Variants in SYT16 observed in about 807,000 individuals in gnomAD.
SYT16 encodes synaptotagmin 16.
Under a neutral mutation model 61.4 loss-of-function variants are expected in SYT16, and 42 were observed. That is an observed-to-expected ratio of 0.68 (90% CI 0.53 to 0.89). The LOEUF is 0.89. Among genes scored for constraint, SYT16 ranks in the 40% least tolerant of loss-of-function variants. SYT16 has a pLI of 0.00. For missense variants in SYT16, 804 were observed against 807.3 expected, an observed-to-expected ratio of 1.00 and a Z score of 0.05; for synonymous variants, 314 against 302.3, an observed-to-expected ratio of 1.04 and a Z score of -0.40.
At chr14:62,024,776 T>C (rs1413660661) in intron 3 of SYT16, among the ~76,000 whole-genome samples, 1 of 152,138 alleles carries the variant, frequency 6.6e-6, no homozygotes, top group Non-Finnish European at 1.5e-5. Context: ...AAATCTTCTG[T>C]GCTCTGCTTA....
At chr14:61,974,578 A>G (rs2051702617) in intron 2 of SYT16, among the ~76,000 whole-genome samples, 2 of 152,222 alleles carry the variant, frequency 1.3e-5, no homozygotes, top group Non-Finnish European at 1.5e-5. Flanking sequence ...CAGCAGGAAC[A>G]GTGCATCATG....
At chr14:61,921,907 C>T (rs1168806896) in intron 1 of SYT16, among the ~76,000 whole-genome samples, 1 of 152,196 alleles carries the variant, frequency 6.6e-6, no homozygotes, top group Non-Finnish European at 1.5e-5. Flanking sequence ...GGTTTCAAGT[C>T]TTAGCTTCAA....
At chr14:62,064,664 C>G (rs200423063) in intron 3 of SYT16, among the ~76,000 whole-genome samples, 1 of 152,092 alleles carries the variant, frequency 6.6e-6, no homozygotes, top group Non-Finnish European at 1.5e-5. Context: ...ACATGGACTT[C>G]GGAGCAAGAC....
At chr14:62,042,940 A>C (rs1198434227) in intron 3 of SYT16, among the ~76,000 whole-genome samples, 1 of 151,946 alleles carries the variant, frequency 6.6e-6, no homozygotes, top group Non-Finnish European at 1.5e-5. Context: ...TTTTTTGTTT[A>C]CTAGAGTTCA....
chr14:61,920,412 C>A (rs968661199), intron 1 of SYT16, among the ~76,000 whole-genome samples: 1 of 152,102 alleles, frequency 6.6e-6, no homozygotes, highest in Non-Finnish European at 1.5e-5. Flanking sequence ...TGTCCTAATG[C>A]TCTCCCTCCC....
intron 1 of SYT16, among the ~76,000 whole-genome samples, chr14:61,846,149 A>T (rs1179952032): frequency 6.6e-6 from 1 of 152,174 alleles, no homozygotes; most frequent in Non-Finnish European, 1.5e-5. Context: ...TGTTCTGTAA[A>T]TATACATTAG....
intron 4 of SYT16, among the ~76,000 whole-genome samples, chr14:62,074,881 T>C (rs1486546013): frequency 1.3e-5 from 2 of 152,216 alleles, no homozygotes; most frequent in African/African-American, 4.8e-5. Flanking sequence ...CCTTTTGACA[T>C]AAATATATAT....
chr14:61,910,536 T>G (rs141172434), intron 1 of SYT16, among the ~76,000 whole-genome samples: 112,253 of 145,414 alleles, frequency 0.77, 44,294 homozygotes, highest in East Asian at 0.94. Context: ...TTTTGTTTTT[T>G]TTTTTTTTTT....
chr14:61,961,398 A>G (rs1441127986), intron 1 of SYT16, among the ~76,000 whole-genome samples: 4 of 152,268 alleles, frequency 2.6e-5, no homozygotes, highest in Non-Finnish European at 5.9e-5. Flanking sequence ...TTCAGAATCT[A>G]TAAGAAACTT....
chr14:61,992,562 T>G (rs556920643), intron 2 of SYT16, among the ~76,000 whole-genome samples: 4 of 152,248 alleles, frequency 2.6e-5, no homozygotes, highest in African/African-American at 4.8e-5. Flanking sequence ...ATACAGCAAT[T>G]AAAGTGTTTA....
intron 1 of SYT16, among the ~76,000 whole-genome samples, chr14:61,892,457 C>G (rs557774488): frequency 5.1e-4 from 77 of 152,272 alleles, no homozygotes; most frequent in African/African-American, 1.7e-3. Flanking sequence ...TCTCCTTCCC[C>G]CATTTATTCT....
intron 3 of SYT16, among the ~76,000 whole-genome samples, chr14:62,035,578 A>G (rs952553874): frequency 1.2e-4 from 18 of 152,320 alleles, no homozygotes; most frequent in African/African-American, 4.3e-4. Flanking sequence ...ACTAAATTTG[A>G]TTAACAGGGT....
rs549079081 is a variant in SYT16 at position 61,857,606 on chromosome 14, T to C, written c.-325+44796T>C. Among the ~76,000 whole-genome samples the C allele has an allele frequency of 8.0e-4, 121 of 151,940 alleles. 4 individuals are homozygous for C. The South Asian group carries it at 0.024, about 31-fold the overall frequency. ...GCATATAGACAGTACTAAAGGAGAG[T>C]GCAGTCAAGAGGCTGGAGGGGAAGT... On this transcript the variant is annotated intron_variant, in intron 1 of 7. Coordinates refer to ENST00000683842, the MANE Select transcript of SYT16 (RefSeq NM_001367656.1).
intron 2 of SYT16, among the ~76,000 whole-genome samples, chr14:61,984,264 T>C (rs2052209681): frequency 6.6e-6 from 1 of 152,172 alleles, no homozygotes; most frequent in South Asian, 2.1e-4. Flanking sequence ...TTATTTTTCC[T>C]ATTGTTTGTT....
chr14:62,033,046 G>T (rs1010864551), intron 3 of SYT16, among the ~76,000 whole-genome samples: 4 of 151,210 alleles, frequency 2.6e-5, no homozygotes, highest in Non-Finnish European at 5.9e-5. Flanking sequence ...CTGAAGTTCA[G>T]TTAGCATACT....
chr14:61,996,456 A>T lies in SYT16; in HGVS notation c.437A>T (p.His146Leu). 1 of 1,613,424 alleles carries T rather than the reference A, an allele frequency of 6.2e-7. No individual in the cohort carries two copies. The highest frequency in any genetic ancestry group is 8.5e-7 in the Non-Finnish European group (1 of 1,179,534). The change falls in exon 3 of 8, where the codon CAC (histidine) becomes CTC (leucine). Residue 146 changes from histidine (H) to leucine (L), a missense_variant. Coordinates refer to ENST00000683842, the MANE Select transcript of SYT16 (RefSeq NM_001367656.1). ...VLSSIAEEEH[H>L]LEKQRSGLQH... ...TCTTCTATTGCGGAGGAAGAGCATCACCTTGAAAAGCAAAGAAGTGGCCTT... is the reference window on the plus strand; with the variant it reads ...TCTTCTATTGCGGAGGAAGAGCATCTCCTTGAAAAGCAAAGAAGTGGCCTT...
chr14:61,983,961 G>A (rs2052194858), intron 2 of SYT16, among the ~76,000 whole-genome samples: 2 of 152,212 alleles, frequency 1.3e-5, no homozygotes, highest in African/African-American at 4.8e-5. Context: ...ACATTTGATG[G>A]GAACAGGGTG....
At chr14:61,859,466 G>A (rs1566632394) in intron 1 of SYT16, among the ~76,000 whole-genome samples, 1 of 151,964 alleles carries the variant, frequency 6.6e-6, no homozygotes, top group Admixed American at 6.5e-5. Flanking sequence ...ACCTCCTCAA[G>A]CTTTACTATA....
intron 1 of SYT16, among the ~76,000 whole-genome samples, chr14:61,927,867 G>A (rs1401010618): frequency 1.3e-5 from 2 of 152,134 alleles, no homozygotes; most frequent in Non-Finnish European, 2.9e-5. Flanking sequence ...AGGTGGAGGT[G>A]CTTTTCCAGG....
Sources: allele counts gnomAD v4.1 joint callset (sites outside exome capture counted in the v4.1 genomes callset), GRCh38; gene constraint gnomAD v4.1.1; transcripts MANE v1.5; gene names NCBI Gene and HGNC (gene_info 2026-07-23, HGNC 2026-07-21).